POLR3C: variants seen among roughly 807,000 people sequenced by gnomAD.
The protein encoded by POLR3C is RNA polymerase III subunit C.
In POLR3C, 44 loss-of-function variants were observed where a neutral mutation model predicts 65.9. The ratio of observed to expected loss-of-function variants is 0.67; its 90% confidence interval spans 0.52 to 0.86. The LOEUF (loss-of-function observed/expected upper bound fraction) is 0.86, where lower values mean the gene tolerates loss of function less well. POLR3C is among the 40% of genes least tolerant of loss of function. POLR3C has a pLI of 0.00. For synonymous variants in POLR3C, 263 were observed against 231.6 expected, an observed-to-expected ratio of 1.14 and a Z score of -1.23; for missense variants, 576 against 653.2, an observed-to-expected ratio of 0.88 and a Z score of 1.29.
Position 145,842,335 on chromosome 1 carries a change from T to G in POLR3C, c.1524-4T>G, listed in dbSNP as rs377203909. ...CTAGGCAAATGCCTTTACTTTTCAC[T>G]CAGGTTGGATGCCAGTGAGATCCAG... On this transcript the variant is annotated splice_polypyrimidine_tract_variant and splice_region_variant and intron_variant, in intron 14 of 14. Transcript: ENST00000334163. 1.3e-4 allele frequency: 214 copies of G among 1,591,744 alleles called. No homozygotes were observed. Among genetic ancestry groups the G allele is most frequent in the Non-Finnish European group, 1.8e-4 (209 of 1,161,932 alleles).
At position 145,826,866 on chromosome 1, in the gene POLR3C, A is replaced by G. The variant is rs782366513; in HGVS notation, c.450A>G (p.Arg150=). 1 of 1,612,088 alleles carries G rather than the reference A, an allele frequency of 6.2e-7. No homozygotes were observed. Among genetic ancestry groups the G allele is most frequent in the Non-Finnish European group, 8.5e-7 (1 of 1,179,270 alleles). Residue 150 remains arginine (R), a synonymous_variant, in exon 4 of 15, where the codon CGA becomes CGG. Transcript: ENST00000334163. ...CTGAAGTATCAAACACATTTGTGCG[A>G]CTGGCAGACACACACTTTGTACAAC... ...DYAEVSNTFV[R]LADTHFVQRC...
At chr1:145,836,119 CTTT>C (rs77530377) in intron 7 of POLR3C, among the ~76,000 whole-genome samples, 8 of 133,194 alleles carry the variant, frequency 6.0e-5, no homozygotes, top group East Asian at 2.1e-4. Flanking sequence ...AAAATTAAAA[CTTT>C]TTTTTTTTTT....
In POLR3C at chr1:145,826,439, T is replaced by G; in HGVS notation, c.148-15T>G. On this transcript the variant is annotated splice_polypyrimidine_tract_variant and intron_variant, in intron 2 of 14. Transcript: ENST00000334163. ...CAGGTCTTTCCTCTCTTTCTTCTCT[T>G]TATGTTCCATTTAGGTGAAGAAAGC... 1 of 1,611,570 alleles carries G rather than the reference T, an allele frequency of 6.2e-7. No homozygotes were observed. The highest frequency in any genetic ancestry group is 8.5e-7 in the Non-Finnish European group (1 of 1,178,230).
intron 4 of POLR3C, 52 bp downstream of exon 4, chr1:145,827,057 CTTGA>C: frequency 1.5e-6 from 2 of 1,314,488 alleles, no homozygotes; most frequent in South Asian, 2.5e-5. Flanking sequence ...GTGGATTCTT[CTTGA>C]TTGTCAAGTG....
chr1:145,825,722 C>CT lies in POLR3C; in HGVS notation c.-20-32dup, dbSNP rs782701757. 69 of 1,450,072 alleles carry CT rather than the reference C, an allele frequency of 4.8e-5. 1 individual carries two copies. The highest frequency in any genetic ancestry group is 6.0e-5 in the Non-Finnish European group (63 of 1,046,098). The allele number at this position is 1,450,072 out of a possible 1,614,324, so 89.8% of individuals were successfully genotyped here. Reference sequence around the variant, plus strand: ...GCAGCTCTGCTTCCAGCGTGAAAGACTTTCTATTGTACCATTTTGGTGTTT... The same window carrying CT: ...GCAGCTCTGCTTCCAGCGTGAAAGACTTTTCTATTGTACCATTTTGGTGTTT... On this transcript the variant is annotated intron_variant, in intron 1 of 14. Transcript: ENST00000334163.
chr1:145,836,405 C>CAA, intron 7 of POLR3C, 89 bp from the exon 8 acceptor site: 1 of 792,460 alleles, frequency 1.3e-6, no homozygotes, highest in East Asian at 2.4e-5. Flanking sequence ...CAGGCCTTAG[C>CAA]CACTGTGCCC....
Position 145,833,485 on chromosome 1 carries a change from AACAG to A in POLR3C, c.784-1_786del. On this transcript the variant is annotated splice_acceptor_variant and splice_polypyrimidine_tract_variant and intron_variant, in intron 6 of 14. Transcript: ENST00000334163. LOFTEE classifies it high-confidence loss of function. ...TTTCTGAATTCTAGTTTACTTTTCAAACAGACAAGCAGCGAGATTGTGCGAACCA... is the reference window on the plus strand; with the variant it reads ...TTTCTGAATTCTAGTTTACTTTTCAAACAAGCAGCGAGATTGTGCGAACCA... The A allele has an allele frequency of 6.2e-7, 1 of 1,611,812 alleles. No individual in the cohort carries two copies. Among genetic ancestry groups the A allele is most frequent in the Non-Finnish European group, 8.5e-7 (1 of 1,177,846 alleles).
intron 14 of POLR3C, among the ~76,000 whole-genome samples, chr1:145,841,518 G>A (rs1652292894): frequency 6.6e-6 from 1 of 152,126 alleles, no homozygotes; most frequent in Non-Finnish European, 1.5e-5. Context: ...TCACATTTCA[G>A]TGCACAATTT....
chr1:145,835,444 C>CAA (rs781982068), intron 7 of POLR3C, among the ~76,000 whole-genome samples: 4 of 104,182 alleles, frequency 3.8e-5, no homozygotes, highest in Non-Finnish European at 6.0e-5. Flanking sequence ...GACTCTGTCT[C>CAA]AAAAAAAAAA....
At chr1:145,835,831 C>G (rs917196335) in intron 7 of POLR3C, among the ~76,000 whole-genome samples, 1 of 152,194 alleles carries the variant, frequency 6.6e-6, no homozygotes, top group Non-Finnish European at 1.5e-5. Context: ...ACCTCAGCCT[C>G]TCAAAGTGCT....
rs1652379845 is a variant in POLR3C at position 145,842,669 on chromosome 1, A to G, written c.*249A>G. Among the ~76,000 whole-genome samples the G allele has an allele frequency of 6.6e-6, 1 of 152,174 alleles. No individual in the cohort carries two copies. On this transcript the variant is annotated 3_prime_UTR_variant, in exon 15 of 15. Transcript: ENST00000334163. ...ACAAGGTTAATCATCTATCAGATGCATCTGTTCCCATAAAGAAGTTACCCA... is the reference window on the plus strand; with the variant it reads ...ACAAGGTTAATCATCTATCAGATGCGTCTGTTCCCATAAAGAAGTTACCCA...
chr1:145,840,012 T>C (rs1469224908), intron 12 of POLR3C, 21 bp downstream of exon 12: 2 of 1,546,694 alleles, frequency 1.3e-6, no homozygotes, highest in Admixed American at 1.7e-5. Context: ...CTGGACCTTC[T>C]CCCCATTTCC....
chr1:145,840,329 C>G (rs1553730146), intron 13 of POLR3C, 164 bp downstream of exon 13: 3 of 592,158 alleles, frequency 5.1e-6, no homozygotes, highest in Non-Finnish European at 6.1e-6. Context: ...CACTTGAGGT[C>G]AGGAGTTTGA....
At chr1:145,832,214 A>G (rs986267472) in intron 5 of POLR3C, among the ~76,000 whole-genome samples, 1 of 152,254 alleles carries the variant, frequency 6.6e-6, no homozygotes, top group Non-Finnish European at 1.5e-5. Context: ...TTTCACTGGA[A>G]TGCGAGTGAC....
At chr1:145,835,380 G>T (rs1485698023) in intron 7 of POLR3C, among the ~76,000 whole-genome samples, 1 of 151,338 alleles carries the variant, frequency 6.6e-6, no homozygotes, top group Non-Finnish European at 1.5e-5. Flanking sequence ...GGGAATGGGA[G>T]GTTGCAGTGA....
In POLR3C at chr1:145,828,655, A is replaced by G. The variant is rs868961071; in HGVS notation, c.590-94A>G. 6 of 854,510 alleles carry G rather than the reference A, an allele frequency of 7.0e-6. No individual in the cohort carries two copies. In the Middle Eastern group the frequency reaches 1.2e-3, roughly 172 times the overall value. 52.9% of individuals were successfully genotyped at this position (854,510 alleles called of 1,614,324 possible). ...AACTCTGATCTAGAGGCAGCTACAG[A>G]TGTCTTTGGAATGAAAGACACCTGC... On this transcript the variant is annotated intron_variant, in intron 4 of 14. Transcript: ENST00000334163.
chr1:145,840,148 T>G lies in POLR3C; in HGVS notation c.1356T>G (p.Phe452Leu). The G allele has an allele frequency of 3.7e-6, 6 of 1,600,520 alleles. No individual in the cohort carries two copies. The highest frequency in any genetic ancestry group is 5.1e-6 in the Non-Finnish European group (6 of 1,167,528). The change falls in exon 13 of 15, where the codon TTT (phenylalanine) becomes TTG (leucine). Residue 452 changes from phenylalanine (F) to leucine (L), a missense_variant. Phe to Leu is a conservative substitution (Grantham distance 22). Coordinates refer to ENST00000334163, the MANE Select transcript of POLR3C (RefSeq NM_006468.8). ...CCAACTTGATAGAAAGGAGGCAATT[T>G]GAAACCAAAGAGAATAAGTAAGTAA... The part of the protein sequence containing the change: ...SIANLIERRQ[F>L]ETKENKRLLE...
At chr1:145,836,374 C>T in intron 7 of POLR3C, 120 bp from the exon 8 acceptor site, 2 of 685,966 alleles carry the variant, frequency 2.9e-6, no homozygotes, top group Admixed American at 2.3e-5. Context: ...CCTGCCTCAG[C>T]CTCCCAAAGT....
intron 10 of POLR3C, 136 bp downstream of exon 10, chr1:145,837,732 C>G (rs1651970365): frequency 1.2e-5 from 9 of 743,586 alleles, no homozygotes; most frequent in South Asian, 1.2e-4. Context: ...TCCTATGGAT[C>G]TCATGTAATA....
Sources: gnomAD v4.1 joint callset for allele counts (sites outside exome capture counted in the v4.1 genomes callset) on GRCh38, gnomAD v4.1.1 for gene constraint, MANE v1.5 for transcripts, NCBI Gene and HGNC (gene_info 2026-07-23, HGNC 2026-07-21) for gene names.